UGT1A10: variants seen among roughly 807,000 people sequenced by gnomAD.
UGT1A10 encodes the protein UDP glucuronosyltransferase family 1 member A10.
A neutral mutation model predicts 45.8 loss-of-function variants in UGT1A10; 49 were observed. That is an observed-to-expected ratio of 1.07 (90% CI 0.85 to 1.36). The LOEUF (loss-of-function observed/expected upper bound fraction) is 1.36. Among genes scored for constraint, UGT1A10 ranks in the 40% most tolerant of loss-of-function variants. The probability of loss-of-function intolerance (pLI) is 0.00; values close to 1 mark genes in which losing one functional copy is unlikely to be tolerated. For missense variants in UGT1A10, 745 were observed against 668.6 expected, an observed-to-expected ratio of 1.11 and a Z score of -1.26; for synonymous variants, 284 against 249.7, an observed-to-expected ratio of 1.14 and a Z score of -1.29.
chr2:233,722,001 G>C, intron 1 of UGT1A10: 1 of 262,504 alleles, frequency 3.8e-6, no homozygotes. Context: ...TGTCCTTTAA[G>C]TGAACAGGAA....
intron 1 of UGT1A10, among the ~76,000 whole-genome samples, chr2:233,721,047 T>A (rs1167296961): frequency 6.6e-6 from 1 of 152,100 alleles, no homozygotes; most frequent in Non-Finnish European, 1.5e-5. Flanking sequence ...TTGAGCCCTT[T>A]TTTGTCATAT....
intron 1 of UGT1A10, chr2:233,648,778 T>A (rs2073667735): frequency 2.4e-6 from 2 of 841,180 alleles, no homozygotes; most frequent in Non-Finnish European, 3.6e-6. Flanking sequence ...TGCCATGACT[T>A]TTAAGGAGAG....
intron 1 of UGT1A10, among the ~76,000 whole-genome samples, chr2:233,675,561 A>G (rs1302555577): frequency 6.6e-6 from 1 of 152,166 alleles, no homozygotes; most frequent in Non-Finnish European, 1.5e-5. Flanking sequence ...ATAGTCCAAG[A>G]TCCAAATTCA....
intron 1 of UGT1A10, 101 bp from the exon 2 acceptor site, chr2:233,766,933 A>C: frequency 6.3e-7 from 1 of 1,584,088 alleles, no homozygotes; most frequent in South Asian, 1.2e-5. Flanking sequence ...CATGCCTTTA[A>C]TCATAGTCTT....
chr2:233,709,064 A>G (rs1207906961), intron 1 of UGT1A10, among the ~76,000 whole-genome samples: 2 of 152,084 alleles, frequency 1.3e-5, no homozygotes, highest in Non-Finnish European at 2.9e-5. Flanking sequence ...TCCTAGTTAA[A>G]GTTCTTCTGC....
chr2:233,676,510 T>C (rs2074363792), intron 1 of UGT1A10, among the ~76,000 whole-genome samples: 1 of 152,208 alleles, frequency 6.6e-6, no homozygotes, highest in South Asian at 2.1e-4. Flanking sequence ...CTAAAGTCTG[T>C]TTCCTTCAGA....
At chr2:233,752,746 A>AAAACAAACAAAC (rs200752387) in intron 1 of UGT1A10, among the ~76,000 whole-genome samples, 1 of 152,190 alleles carries the variant, frequency 6.6e-6, no homozygotes, top group East Asian at 1.9e-4. Context: ...CCCTGTCTCT[A>AAAACAAACAAAC]AAACAAACAA....
chr2:233,666,822 C>G (rs555897457), intron 1 of UGT1A10, among the ~76,000 whole-genome samples: 1 of 147,040 alleles, frequency 6.8e-6, no homozygotes, highest in Non-Finnish European at 1.5e-5. Context: ...ACAACAGGCC[C>G]TGGTGTGTGA....
intron 1 of UGT1A10, among the ~76,000 whole-genome samples, chr2:233,697,116 TC>T (rs775779610): frequency 2.6e-5 from 4 of 152,164 alleles, no homozygotes; most frequent in Non-Finnish European, 5.9e-5. Context: ...AAGTATTCTC[TC>T]CTCTTCATTT....
intron 1 of UGT1A10, among the ~76,000 whole-genome samples, chr2:233,692,535 A>C (rs1469514981): frequency 6.6e-6 from 1 of 152,282 alleles, no homozygotes; most frequent in African/African-American, 2.4e-5. Context: ...CTCAGAATTC[A>C]GTTCAGAATG....
rs753419237 is a variant in UGT1A10, at chr2:233,719,511, T to C, written c.856-47523T>C. The C allele has an allele frequency of 5.6e-6, 9 of 1,613,954 alleles. No individual in the cohort carries two copies. The South Asian group carries it at 8.8e-5, about 16-fold the overall frequency. On this transcript the variant is annotated intron_variant, in intron 1 of 4. Coordinates refer to ENST00000344644, the MANE Select transcript of UGT1A10 (RefSeq NM_019075.4). ...CATTTGCCATACTTTTTCTGCCCCTTATGCAAGTCTTGCCTCTGAGCTTTT... is the reference window on the plus strand; with the variant it reads ...CATTTGCCATACTTTTTCTGCCCCTCATGCAAGTCTTGCCTCTGAGCTTTT...
intron 1 of UGT1A10, among the ~76,000 whole-genome samples, chr2:233,660,408 G>A (rs898150259): frequency 1.3e-5 from 2 of 152,150 alleles, no homozygotes; most frequent in Admixed American, 6.6e-5. Context: ...GGTTCTGGAT[G>A]GCTAGAGGCA....
At chr2:233,681,544 A>C (rs1179963746) in intron 1 of UGT1A10, among the ~76,000 whole-genome samples, 1 of 151,970 alleles carries the variant, frequency 6.6e-6, no homozygotes, top group Non-Finnish European at 1.5e-5. Context: ...AAAAAAAAAA[A>C]AAAAAAAAAA....
At chr2:233,669,776 C>G (rs184924487) in intron 1 of UGT1A10, among the ~76,000 whole-genome samples, 1 of 152,108 alleles carries the variant, frequency 6.6e-6, no homozygotes, top group Non-Finnish European at 1.5e-5. Context: ...CTCCGCTTCC[C>G]GGGTTCAAGT....
rs750178604 is a variant in UGT1A10 at position 233,693,312 on chromosome 2, C to A, written c.855+55935C>A. The A allele has an allele frequency of 2.6e-5, 42 of 1,614,058 alleles. No homozygotes were observed. In the East Asian group the frequency reaches 8.7e-4, roughly 33 times the overall value. On this transcript the variant is annotated intron_variant, in intron 1 of 4. Transcript: ENST00000344644. The stretch of plus-strand genomic sequence containing the variant: ...GGAAACAATCACTTTGCTGAGCGAT[C>A]ATTCCTAACTGCTCCTCAGACAGAG...
intron 1 of UGT1A10, chr2:233,693,748 G>A: frequency 1.2e-6 from 2 of 1,614,248 alleles, no homozygotes; most frequent in Non-Finnish European, 1.7e-6. Context: ...CCTTATATCA[G>A]AAGGTCTCTG....
At chr2:233,713,913 A>T in intron 1 of UGT1A10, 1 of 1,612,556 alleles carries the variant, frequency 6.2e-7, no homozygotes, top group Non-Finnish European at 8.5e-7. Context: ...CTTTTTAAAA[A>T]ATGTATTTAC....
chr2:233,693,717 A>G lies in UGT1A10; in HGVS notation c.855+56340A>G, dbSNP rs749822661. Reference sequence around the variant, plus strand: ...GAAGAACTCGCATCAGCTGTCCTCAAGAGAGATGTGGATATAATCACCTTA... The same window carrying G: ...GAAGAACTCGCATCAGCTGTCCTCAGGAGAGATGTGGATATAATCACCTTA... On this transcript the variant is annotated intron_variant, in intron 1 of 4. Transcript: ENST00000344644. 1.5e-5 allele frequency: 25 copies of G among 1,614,098 alleles called. No homozygotes were observed. Among genetic ancestry groups the G allele is most frequent in the Non-Finnish European group, 2.0e-5 (24 of 1,180,042 alleles).
intron 1 of UGT1A10, among the ~76,000 whole-genome samples, chr2:233,723,073 C>A (rs1176866455): frequency 2.1e-5 from 3 of 141,128 alleles, no homozygotes; most frequent in Non-Finnish European, 3.0e-5. Flanking sequence ...GGAAATATAT[C>A]ATCATTTTTG....
Sources: allele counts gnomAD v4.1 joint callset (sites outside exome capture counted in the v4.1 genomes callset), GRCh38; gene constraint gnomAD v4.1.1; transcripts MANE v1.5; gene names NCBI Gene and HGNC (gene_info 2026-07-23, HGNC 2026-07-21).